ETF1: variants seen among roughly 807,000 people sequenced by gnomAD.
ETF1 encodes eukaryotic peptide chain release factor subunit 1.
Under a neutral mutation model 55.1 loss-of-function variants are expected in ETF1, and 4 were observed. That is an observed-to-expected ratio of 0.07 (90% CI 0.04 to 0.17). The LOEUF (loss-of-function observed/expected upper bound fraction) is 0.17, where lower values mean the gene tolerates loss of function less well. Among genes scored for constraint, ETF1 ranks in the 10% least tolerant of loss-of-function variants. The pLI, the probability that ETF1 is intolerant of heterozygous loss-of-function variation, is 1.00. For synonymous variants in ETF1, 157 were observed against 182.3 expected (o/e 0.86, Z 1.12); for missense variants, 142 against 523.6 (o/e 0.27, Z 7.11).
rs1185121667 is a variant in ETF1, at chr5:138,507,611, G to C, written c.*694C>G. 6.5e-6 allele frequency: 1 copy of C among 152,694 alleles called. No individual in the cohort carries two copies. The highest frequency in any genetic ancestry group is 1.5e-5 in the Non-Finnish European group (1 of 68,088). 9.5% of individuals were successfully genotyped at this position (152,694 alleles called of 1,614,324 possible). On this transcript the variant is annotated 3_prime_UTR_variant, in exon 11 of 11. Transcript: ENST00000360541. ...GCACAAATGTGTCTGCAAACAGATG[G>C]AAGTAAACAGTGCACTGGCCCAAAT...
intron 4 of ETF1, among the ~76,000 whole-genome samples, chr5:138,516,144 G>C (rs1765010179): frequency 6.6e-6 from 1 of 152,126 alleles, no homozygotes; most frequent in South Asian, 2.1e-4. Context: ...CAGGGGAAAG[G>C]GGGGAAAATG....
Position 138,543,105 on chromosome 5 carries a change from C to T in ETF1, c.-27G>A. 3 of 639,996 alleles carry T rather than the reference C, an allele frequency of 4.7e-6. No individual in the cohort carries two copies. The South Asian group carries it at 5.9e-5, about 13-fold the overall frequency. The allele number at this position is 639,996 out of a possible 1,614,324, so 39.6% of individuals were successfully genotyped here. ...CCCTCCCTGTGCCTTACCTAAGGGC[C>T]CAGTCCTGGGCGGCAGCGGCTGCTC... On this transcript the variant is annotated 5_prime_UTR_variant, in exon 1 of 11. Coordinates refer to ENST00000360541, the MANE Select transcript of ETF1 (RefSeq NM_004730.4).
Position 138,511,193 on chromosome 5 carries a change from G to A in ETF1, c.870C>T (p.Tyr290=), listed in dbSNP as rs771226119. The A allele has an allele frequency of 8.1e-6, 13 of 1,613,890 alleles. No individual in the cohort carries two copies. In the South Asian group the frequency reaches 1.3e-4, roughly 16 times the overall value. ...FIQEKKLIGR[Y]FDEISQDTGK... is the part of the protein sequence containing the mutation. ...CCGTGTCCTGGCTGATTTCATCAAAGTATCGTCCTACGATTAGGGATCAGT... is the reference window on the plus strand; with the variant it reads ...CCGTGTCCTGGCTGATTTCATCAAAATATCGTCCTACGATTAGGGATCAGT... The change falls in exon 8 of 11, where the codon TAC becomes TAT. Residue 290 remains tyrosine, a synonymous_variant. Transcript: ENST00000360541.
intron 2 of ETF1, chr5:138,541,674 C>T: frequency 6.8e-7 from 1 of 1,481,350 alleles, no homozygotes; most frequent in Non-Finnish European, 8.9e-7. Context: ...GTGCTGAAAT[C>T]AACTTTTCAC....
chr5:138,535,704 G>C (rs1222574914), intron 2 of ETF1, among the ~76,000 whole-genome samples: 6 of 144,220 alleles, frequency 4.2e-5, no homozygotes, highest in African/African-American at 1.5e-4. Context: ...CTGGGCAAGA[G>C]AGCAAGACCG....
chr5:138,519,656 TA>T (rs1452152026), intron 2 of ETF1, among the ~76,000 whole-genome samples: 1 of 149,524 alleles, frequency 6.7e-6, no homozygotes, highest in Non-Finnish European at 1.5e-5. Flanking sequence ...GAGCTAGACT[TA>T]GTCTCGAGAA....
intron 2 of ETF1, among the ~76,000 whole-genome samples, chr5:138,536,478 C>G (rs1193884303): frequency 1.3e-5 from 2 of 152,172 alleles, no homozygotes; most frequent in African/African-American, 4.8e-5. Context: ...CAGTGAGAAA[C>G]CTCAGACTCT....
chr5:138,541,514 C>A (rs1221650571), intron 2 of ETF1: 1 of 1,531,428 alleles, frequency 6.5e-7, no homozygotes, highest in Admixed American at 2.0e-5. Context: ...ACTAGTAAAA[C>A]CAACCTGTGA....
intron 2 of ETF1, among the ~76,000 whole-genome samples, chr5:138,539,026 G>A (rs1057044607): frequency 2.0e-5 from 3 of 152,150 alleles, no homozygotes; most frequent in African/African-American, 7.2e-5. Context: ...TTTTTAAAAT[G>A]TCCAAACACT....
At chr5:138,535,886 A>AAAAAAAAAAAAAAAAAAAAAAAT in intron 2 of ETF1, among the ~76,000 whole-genome samples, 1 of 149,708 alleles carries the variant, frequency 6.7e-6, no homozygotes. Context: ...AAAAAAAAAA[A>AAAAAAAAAAAAAAAAAAAAAAAT]AAAAAAAAAA....
rs538069917 is a variant in ETF1 at position 138,531,919 on chromosome 5, C to T, written c.86+10914G>A. On this transcript the variant is annotated intron_variant, in intron 2 of 10. Coordinates refer to ENST00000360541, the MANE Select transcript of ETF1 (RefSeq NM_004730.4). ...AAAATTAGCCGGGCGTGGTGGCGGGCGCCTATAGTCCCAGCTACCTGGGAG... is the reference window on the plus strand; with the variant it reads ...AAAATTAGCCGGGCGTGGTGGCGGGTGCCTATAGTCCCAGCTACCTGGGAG... 7.0e-4 allele frequency among the ~76,000 whole-genome samples: 106 copies of T among 152,196 alleles called. 2 individuals are homozygous for T. In the South Asian group the frequency reaches 0.012, roughly 17 times the overall value.
intron 9 of ETF1, 40 bp downstream of exon 9, chr5:138,510,525 C>T (rs186112104): frequency 4.3e-4 from 633 of 1,478,442 alleles, no homozygotes; most frequent in African/African-American, 2.0e-3. Flanking sequence ...CACGGATTTA[C>T]GCTTGCACGT....
At chr5:138,513,463 C>CA (rs544865676) in intron 5 of ETF1, 105 bp downstream of exon 5, 2 of 1,028,066 alleles carry the variant, frequency 1.9e-6, no homozygotes, top group Non-Finnish European at 2.9e-6. Context: ...CTCGGCCTCC[C>CA]AAAGTGCTGG....
intron 2 of ETF1, among the ~76,000 whole-genome samples, chr5:138,521,780 T>C (rs1489433930): frequency 6.6e-6 from 1 of 152,228 alleles, no homozygotes; most frequent in Admixed American, 6.5e-5. Context: ...TCCCCCTGCC[T>C]CAGCCTCCCA....
chr5:138,511,260 CACCT>C, intron 7 of ETF1, 60 bp from the exon 8 acceptor site: 4 of 1,585,406 alleles, frequency 2.5e-6, no homozygotes, highest in Non-Finnish European at 2.6e-6. Flanking sequence ...GATACAAACA[CACCT>C]ATTCGACCTA....
intron 2 of ETF1, among the ~76,000 whole-genome samples, chr5:138,533,409 C>T (rs540159951): frequency 2.6e-5 from 4 of 152,034 alleles, no homozygotes; most frequent in African/African-American, 4.8e-5. Context: ...AAAATCTGGC[C>T]GGGCACAGTG....
intron 2 of ETF1, among the ~76,000 whole-genome samples, chr5:138,539,815 T>C (rs1766100596): frequency 6.6e-6 from 1 of 152,232 alleles, no homozygotes; most frequent in African/African-American, 2.4e-5. Flanking sequence ...TTTTGTATTT[T>C]CTGAAAATAA....
chr5:138,508,434 G>A (rs897505883), intron 10 of ETF1, 47 bp from the exon 11 acceptor site: 2 of 1,609,404 alleles, frequency 1.2e-6, no homozygotes, highest in African/African-American at 2.7e-5. Context: ...CATGGGATGG[G>A]CATGTGTGTA....
chr5:138,529,071 G>C (rs912062687), intron 2 of ETF1, among the ~76,000 whole-genome samples: 1 of 152,216 alleles, frequency 6.6e-6, no homozygotes, highest in South Asian at 2.1e-4. Flanking sequence ...AGAGGTTGCA[G>C]TGAGCCAAGA....
Sources: gnomAD v4.1 joint callset for allele counts (sites outside exome capture counted in the v4.1 genomes callset) on GRCh38, gnomAD v4.1.1 for gene constraint, MANE v1.5 for transcripts, NCBI Gene and HGNC (gene_info 2026-07-23, HGNC 2026-07-21) for gene names.